DLG2: variants seen among roughly 807,000 people sequenced by gnomAD.
The protein encoded by DLG2 is discs large MAGUK scaffold protein 2, also known as disks large homolog 2.
A neutral mutation model predicts 132.5 loss-of-function variants in DLG2; 45 were observed. That is an observed-to-expected ratio of 0.34 (90% CI 0.27 to 0.44). DLG2 has a LOEUF of 0.44. DLG2 is among the 20% of genes least tolerant of loss of function. The pLI is 1.00. For missense variants in DLG2, 1,045 were observed against 1,196.9 expected, an observed-to-expected ratio of 0.87 and a Z score of 1.87; for synonymous variants, 424 against 419.6, an observed-to-expected ratio of 1.01 and a Z score of -0.13.
intron 6 of DLG2, among the ~76,000 whole-genome samples, chr11:84,963,663 T>C (rs2052916440): frequency 6.6e-6 from 1 of 152,218 alleles, no homozygotes; most frequent in African/African-American, 2.4e-5. Context: ...AGATGATTCA[T>C]ATGAAGGCAT....
chr11:85,251,254 C>T (rs967888195), intron 4 of DLG2, among the ~76,000 whole-genome samples: 1 of 152,282 alleles, frequency 6.6e-6, no homozygotes, highest in East Asian at 1.9e-4. Context: ...TTCTTCCAAT[C>T]TTCAAACATG....
At position 85,063,530 on chromosome 11, in the gene DLG2, G is replaced by T. The variant is rs549329556; in HGVS notation, c.357+48131C>A. Among the ~76,000 whole-genome samples the T allele has an allele frequency of 2.3e-3, 353 of 151,782 alleles. 4 individuals are homozygous for T. The highest frequency in any genetic ancestry group is 0.016 in the South Asian group (76 of 4,826). On this transcript the variant is annotated intron_variant, in intron 6 of 27. Transcript: ENST00000376104. ...AACAAGGCAATCACAGTGAAAAACG[G>T]TACACCTTATGACTAAAAGACTTTT...
rs560121123 is a variant in DLG2, at chr11:83,644,351, T to C, written c.1826-11026A>G. On this transcript the variant is annotated intron_variant, in intron 18 of 27. Coordinates refer to ENST00000376104, the MANE Select transcript of DLG2 (RefSeq NM_001142699.3). ...ATTCGATAAATATGTTCTACTCCTC[T>C]ATAGCCCTCCCACTAAAATAATTTT... is the stretch of plus-strand genomic sequence containing the variant. Among the ~76,000 whole-genome samples the C allele has an allele frequency of 2.0e-5, 3 of 152,278 alleles. No homozygotes were observed. In the East Asian group the frequency reaches 5.8e-4, roughly 29 times the overall value.
chr11:84,980,488 A>T (rs1301022502), intron 6 of DLG2, among the ~76,000 whole-genome samples: 1 of 152,132 alleles, frequency 6.6e-6, no homozygotes, highest in Non-Finnish European at 1.5e-5. Context: ...ACTGCCATTC[A>T]CTTACCCAGA....
chr11:83,967,237 C>T (rs71465566), intron 12 of DLG2, among the ~76,000 whole-genome samples: 6,467 of 152,118 alleles, frequency 0.043, 197 homozygotes, highest in Non-Finnish European at 0.067. Context: ...TTCATCTTCT[C>T]TGGGTATATA....
At chr11:84,489,689 CT>C (rs1178228781) in intron 7 of DLG2, among the ~76,000 whole-genome samples, 2 of 152,074 alleles carry the variant, frequency 1.3e-5, no homozygotes, top group African/African-American at 2.4e-5. Flanking sequence ...ATTATTCCTT[CT>C]TTCTAGATTG....
chr11:83,941,458 C>T (rs1432899038), intron 14 of DLG2, among the ~76,000 whole-genome samples: 1 of 151,754 alleles, frequency 6.6e-6, no homozygotes, highest in East Asian at 1.9e-4. Context: ...TGCAGGGTTG[C>T]AATCTCAACT....
chr11:84,686,640 T>G (rs886325607), intron 6 of DLG2, among the ~76,000 whole-genome samples: 2 of 150,756 alleles, frequency 1.3e-5, no homozygotes, highest in Non-Finnish European at 3.0e-5. Flanking sequence ...GTTTTTTTTT[T>G]TTTTTTTTTT....
At chr11:83,604,412 A>G (rs1179531457) in intron 19 of DLG2, among the ~76,000 whole-genome samples, 2 of 152,194 alleles carry the variant, frequency 1.3e-5, no homozygotes, top group Non-Finnish European at 2.9e-5. Context: ...TCTTGGAGTC[A>G]TATTTTTGGT....
At chr11:84,855,963 C>T (rs2082734042) in intron 6 of DLG2, among the ~76,000 whole-genome samples, 1 of 152,010 alleles carries the variant, frequency 6.6e-6, no homozygotes, top group South Asian at 2.1e-4. Flanking sequence ...CAGGTCACCC[C>T]CTTCCCAGAT....
chr11:85,498,157 C>A (rs777815033), intron 3 of DLG2, among the ~76,000 whole-genome samples: 2 of 152,098 alleles, frequency 1.3e-5, no homozygotes, highest in Non-Finnish European at 1.5e-5. Flanking sequence ...GAGTCAAGAA[C>A]CATCAGTGTG....
At chr11:83,893,238 A>T (rs1321735960) in intron 15 of DLG2, among the ~76,000 whole-genome samples, 4 of 152,214 alleles carry the variant, frequency 2.6e-5, no homozygotes, top group Non-Finnish European at 5.9e-5. Flanking sequence ...ACTGACCAAG[A>T]TTGTTTTCAA....
intron 3 of DLG2, among the ~76,000 whole-genome samples, chr11:85,507,074 T>A (rs983349879): frequency 6.6e-6 from 1 of 152,228 alleles, no homozygotes; most frequent in Non-Finnish European, 1.5e-5. Context: ...TAGATCTTCC[T>A]GCATCCCTTT....
At chr11:83,566,245 C>A (rs1029575768) in intron 19 of DLG2, among the ~76,000 whole-genome samples, 9 of 152,194 alleles carry the variant, frequency 5.9e-5, no homozygotes, top group African/African-American at 1.9e-4. Flanking sequence ...ATGATAGATA[C>A]TGGACATAGA....
At chr11:84,039,933 C>G (rs2096011103) in intron 11 of DLG2, among the ~76,000 whole-genome samples, 1 of 147,228 alleles carries the variant, frequency 6.8e-6, no homozygotes, top group Non-Finnish European at 1.5e-5. Context: ...GAGATGGTAT[C>G]TCATTGTGGT....
chr11:84,465,814 T>C (rs1260067518), intron 7 of DLG2, among the ~76,000 whole-genome samples: 1 of 151,264 alleles, frequency 6.6e-6, no homozygotes, highest in Non-Finnish European at 1.5e-5. Flanking sequence ...TTTGCCTAAA[T>C]GTATACTTAA....
intron 4 of DLG2, among the ~76,000 whole-genome samples, chr11:85,246,864 T>C (rs2076158987): frequency 1.3e-5 from 2 of 152,108 alleles, no homozygotes; most frequent in Admixed American, 1.3e-4. Context: ...AACATAGTTA[T>C]CCAATCAGTA....
At position 83,516,834 on chromosome 11, in the gene DLG2, A is replaced by T. The variant is rs182299230; in HGVS notation, c.2193+15874T>A. ...TCTGGGTTGAAAATTCTTTTCTTTA[A>T]TAATGTTGAATATTGGGCCCGTCTC... is the stretch of plus-strand genomic sequence containing the variant. On this transcript the variant is annotated intron_variant, in intron 21 of 27. Transcript: ENST00000376104. 3.6e-3 allele frequency among the ~76,000 whole-genome samples: 542 copies of T among 152,248 alleles called. 5 individuals carry two copies. Among genetic ancestry groups the T allele is most frequent in the African/African-American group, 0.012 (516 of 41,542 alleles).
At chr11:83,855,380 C>G (rs2060374616) in intron 16 of DLG2, among the ~76,000 whole-genome samples, 1 of 152,202 alleles carries the variant, frequency 6.6e-6, no homozygotes, top group South Asian at 2.1e-4. Context: ...GTGAATAGTT[C>G]TAGCAGCTTT....
Sources: allele counts gnomAD v4.1 joint callset (sites outside exome capture counted in the v4.1 genomes callset), GRCh38; gene constraint gnomAD v4.1.1; transcripts MANE v1.5; gene names NCBI Gene and HGNC (gene_info 2026-07-23, HGNC 2026-07-21).